The following KIRREL3 variants were observed in gnomAD, a reference collection of about 807,000 sequenced individuals.
KIRREL3 encodes the protein kin of IRRE-like protein 3.
In KIRREL3, 36 loss-of-function variants were observed where a neutral mutation model predicts 89.7. The observed-to-expected ratio is 0.40, with a 90% CI of 0.31 to 0.53. The LOEUF (loss-of-function observed/expected upper bound fraction) is 0.53, where lower values mean the gene tolerates loss of function less well. Ranked by LOEUF, KIRREL3 falls within the 20% of genes least tolerant of loss-of-function variation. The probability of loss-of-function intolerance (pLI) is 0.49; values close to 1 mark genes in which losing one functional copy is unlikely to be tolerated. For synonymous variants in KIRREL3, 445 were observed against 441.4 expected (o/e 1.01, Z -0.10); for missense variants, 864 against 1,056.6 (o/e 0.82, Z 2.53).
At chr11:126,552,950 A>G (rs376834830) in intron 2 of KIRREL3, among the ~76,000 whole-genome samples, 2 of 152,198 alleles carry the variant, frequency 1.3e-5, no homozygotes, top group South Asian at 2.1e-4. Context: ...CAAGAATTGC[A>G]TAGTTATCTA....
chr11:126,874,771 G>T (rs1004084927), intron 1 of KIRREL3, among the ~76,000 whole-genome samples: 1 of 152,178 alleles, frequency 6.6e-6, no homozygotes, highest in Non-Finnish European at 1.5e-5. Context: ...TTGGCTGTGC[G>T]TGGAATGGTG....
In KIRREL3 at chr11:126,428,781, G is replaced by C. The variant is rs1591517003; in HGVS notation, c.1806+398C>G. ...CCTGCCTCAGCTTCCCAAGTAGCTG[G>C]GATTACAGGCGCCCGCCACCACGCC... On this transcript the variant is annotated intron_variant, in intron 15 of 16. Coordinates refer to ENST00000525144, the MANE Select transcript of KIRREL3 (RefSeq NM_032531.4). This position sits in a 1 kb window ranked among gnomAD's most constrained non-coding sequence, Gnocchi z 6.4. Among the ~76,000 whole-genome samples the C allele has an allele frequency of 6.6e-6, 1 of 152,056 alleles. No homozygotes were observed. Among genetic ancestry groups the C allele is most frequent in the African/African-American group, 2.4e-5 (1 of 41,396 alleles).
At chr11:126,598,430 G>A (rs1043620375) in intron 1 of KIRREL3, among the ~76,000 whole-genome samples, 29 of 152,190 alleles carry the variant, frequency 1.9e-4, no homozygotes, top group African/African-American at 4.3e-4. Context: ...TGATTGATGC[G>A]AATATTCAGA....
intron 4 of KIRREL3, among the ~76,000 whole-genome samples, chr11:126,478,529 A>C (rs1427376043): frequency 1.3e-5 from 2 of 149,442 alleles, no homozygotes; most frequent in Admixed American, 6.6e-5. Flanking sequence ...GTGTGTGTGT[A>C]TATATGTGTG....
intron 1 of KIRREL3, among the ~76,000 whole-genome samples, chr11:126,789,685 T>G (rs537393739): frequency 6.6e-6 from 1 of 152,334 alleles, no homozygotes; most frequent in East Asian, 1.9e-4. Context: ...TCCACCACAG[T>G]GGCCTAGTCC....
rs1942294886 is a variant in KIRREL3, at chr11:126,594,459, C to T, written c.56-31547G>A. ...GAGAAAGAACATGAGTTTGGAATCGCTGGAAACTGTCAAATCTCAGCTCCT... is the reference window on the plus strand; with the variant it reads ...GAGAAAGAACATGAGTTTGGAATCGTTGGAAACTGTCAAATCTCAGCTCCT... On this transcript the variant is annotated intron_variant, in intron 1 of 16. Transcript: ENST00000525144. This position sits in a 1 kb window ranked among gnomAD's most constrained non-coding sequence, Gnocchi z 5.0. Among the ~76,000 whole-genome samples, 1 of 152,196 alleles carries T rather than the reference C, an allele frequency of 6.6e-6. No homozygotes were observed. Among genetic ancestry groups the T allele is most frequent in the Non-Finnish European group, 1.5e-5 (1 of 68,028 alleles).
At position 126,530,168 on chromosome 11, in the gene KIRREL3, CT is replaced by C. The variant is rs1958899308; in HGVS notation, c.134-3482del. On this transcript the variant is annotated intron_variant, in intron 2 of 16. Coordinates refer to ENST00000525144, the MANE Select transcript of KIRREL3 (RefSeq NM_032531.4). This position sits in a 1 kb window ranked among gnomAD's most constrained non-coding sequence, Gnocchi z 5.8. ...TGGGGCAATCTTGGCTCACTGCAAC[CT>C]TTGCCTCCCGGTTCAAGTGATTCTC... 6.6e-6 allele frequency among the ~76,000 whole-genome samples: 1 copy of C among 152,156 alleles called. No individual in the cohort carries two copies. Among genetic ancestry groups the C allele is most frequent in the Non-Finnish European group, 1.5e-5 (1 of 68,042 alleles).
chr11:126,646,536 A>G (rs901649473), intron 1 of KIRREL3, among the ~76,000 whole-genome samples: 1 of 142,100 alleles, frequency 7.0e-6, no homozygotes, highest in African/African-American at 2.6e-5. Flanking sequence ...GTGCAGTGGC[A>G]TGACCTCGGC....
rs952359133 is a variant in KIRREL3, at chr11:126,771,754, C to T, written c.56-208842G>A. ...ACAAGATTATCTAATGATCAACCAA[C>T]ATCTTTATTAAAAAAACGTTTTCAT... On this transcript the variant is annotated intron_variant, in intron 1 of 16. Transcript: ENST00000525144. This position sits in a 1 kb window ranked among gnomAD's most constrained non-coding sequence, Gnocchi z 4.4. Among the ~76,000 whole-genome samples the T allele has an allele frequency of 6.6e-6, 1 of 152,186 alleles. No homozygotes were observed. Among genetic ancestry groups the T allele is most frequent in the Non-Finnish European group, 1.5e-5 (1 of 68,032 alleles).
rs948461293 is a variant in KIRREL3, at chr11:126,844,046, T to C, written c.55+156409A>G. The stretch of plus-strand genomic sequence containing the variant: ...TAATAAACTTGCTTTCACTTTATGC[T>C]CTGGACTCGCCCTGAATTCTTTCTT... On this transcript the variant is annotated intron_variant, in intron 1 of 16. Transcript: ENST00000525144. This position sits in a 1 kb window ranked among gnomAD's most constrained non-coding sequence, Gnocchi z 4.8. 2.0e-5 allele frequency among the ~76,000 whole-genome samples: 3 copies of C among 152,228 alleles called. No homozygotes were observed. Among genetic ancestry groups the C allele is most frequent in the Middle Eastern group, 3.2e-3 (1 of 316 alleles).
rs1592250977 is a variant in KIRREL3, at chr11:126,868,004, T to C, written c.55+132451A>G. Among the ~76,000 whole-genome samples the C allele has an allele frequency of 2.1e-5, 3 of 141,756 alleles. No individual in the cohort carries two copies. The East Asian group carries it at 6.3e-4, about 30-fold the overall frequency. 93.0% of individuals were successfully genotyped at this position (141,756 alleles called of 152,430 possible). On this transcript the variant is annotated intron_variant, in intron 1 of 16. Transcript: ENST00000525144. ...CAGACAGCTCCCTGACTTGAGCACT[T>C]CTCTCTCTTCCCATTATGGAAATGT...
intron 1 of KIRREL3, among the ~76,000 whole-genome samples, chr11:126,644,081 T>A (rs999153450): frequency 1.3e-5 from 2 of 152,152 alleles, no homozygotes; most frequent in African/African-American, 4.8e-5. Context: ...GGCATCAGCC[T>A]CATAGGGTTA....
chr11:126,951,852 T>C (rs941362299), intron 1 of KIRREL3, among the ~76,000 whole-genome samples: 2 of 152,170 alleles, frequency 1.3e-5, no homozygotes, highest in Non-Finnish European at 2.9e-5. Flanking sequence ...ATTGGCTAAA[T>C]GCTCCCTGGA....
chr11:126,548,420 C>T (rs1938990487), intron 2 of KIRREL3, among the ~76,000 whole-genome samples: 1 of 152,214 alleles, frequency 6.6e-6, no homozygotes. Flanking sequence ...AACACCCTCA[C>T]CCAGCAGCAC....
At chr11:126,552,526 G>T (rs1025976119) in intron 2 of KIRREL3, among the ~76,000 whole-genome samples, 1 of 142,566 alleles carries the variant, frequency 7.0e-6, no homozygotes, top group Non-Finnish European at 1.5e-5. Context: ...CGGGATCACT[G>T]CATCACACAG....
chr11:126,905,767 C>T lies in KIRREL3; in HGVS notation c.55+94688G>A, dbSNP rs1321771071. On this transcript the variant is annotated intron_variant, in intron 1 of 16. Transcript: ENST00000525144. This position sits in a 1 kb window ranked among gnomAD's most constrained non-coding sequence, Gnocchi z 5.0. ...ACAGCCTGACAACACAGAGCCCTAT[C>T]TGCCGCTGCCAGTTCGGGCGGATGC... Among the ~76,000 whole-genome samples the T allele has an allele frequency of 2.6e-5, 4 of 152,192 alleles. No individual in the cohort carries two copies. The highest frequency in any genetic ancestry group is 4.4e-5 in the Non-Finnish European group (3 of 68,034).
At chr11:126,500,131 C>T (rs1957808388) in intron 4 of KIRREL3, among the ~76,000 whole-genome samples, 1 of 152,164 alleles carries the variant, frequency 6.6e-6, no homozygotes, top group South Asian at 2.1e-4. Context: ...GATCCTTGAA[C>T]CTGTCTTTAT....
intron 1 of KIRREL3, among the ~76,000 whole-genome samples, chr11:126,722,699 C>G (rs1048653796): frequency 6.6e-6 from 1 of 152,240 alleles, no homozygotes; most frequent in African/African-American, 2.4e-5. Flanking sequence ...TGTGCTCTAA[C>G]TCATGCATGT....
At chr11:126,937,717 G>A (rs555986536) in intron 1 of KIRREL3, among the ~76,000 whole-genome samples, 28 of 151,900 alleles carry the variant, frequency 1.8e-4, no homozygotes, top group Admixed American at 1.4e-3. Context: ...GGCTAACACA[G>A]TGAAACCCCA....
Sources: allele counts gnomAD v4.1 joint callset (sites outside exome capture counted in the v4.1 genomes callset), GRCh38; gene constraint gnomAD v4.1.1; non-coding constraint Gnocchi (gnomAD v3.1); transcripts MANE v1.5; gene names NCBI Gene and HGNC (gene_info 2026-07-23, HGNC 2026-07-21).